The following SCAPER variants were observed in gnomAD, a reference collection of about 807,000 sequenced individuals.
SCAPER encodes the protein S phase cyclin A-associated protein in the endoplasmic reticulum.
A neutral mutation model predicts 182.2 loss-of-function variants in SCAPER; 98 were observed. The observed-to-expected ratio is 0.54, with a 90% CI of 0.46 to 0.64. The LOEUF (loss-of-function observed/expected upper bound fraction) is 0.64, where lower values mean the gene tolerates loss of function less well. Ranked by LOEUF, SCAPER falls within the 30% of genes least tolerant of loss-of-function variation. The probability of loss-of-function intolerance (pLI) is 0.00; values close to 1 mark genes in which losing one functional copy is unlikely to be tolerated. For missense variants in SCAPER, 1,432 were observed against 1,690.0 expected (o/e 0.85, Z 2.68); for synonymous variants, 605 against 564.6 (o/e 1.07, Z -1.01).
intron 20 of SCAPER, among the ~76,000 whole-genome samples, chr15:76,678,873 A>G (rs1419479195): frequency 6.6e-6 from 1 of 152,160 alleles, no homozygotes; most frequent in Non-Finnish European, 1.5e-5. Context: ...AAAACCTACT[A>G]TGTATCAAGG....
chr15:76,398,640 T>C (rs2044246338), intron 27 of SCAPER, among the ~76,000 whole-genome samples: 1 of 152,264 alleles, frequency 6.6e-6, no homozygotes, highest in Admixed American at 6.5e-5. Context: ...TATCTTTTCA[T>C]GACACAGGTT....
At chr15:76,384,499 T>C (rs2043167135) in intron 27 of SCAPER, among the ~76,000 whole-genome samples, 1 of 152,212 alleles carries the variant, frequency 6.6e-6, no homozygotes, top group African/African-American at 2.4e-5. Flanking sequence ...TCTCCTCTCC[T>C]GCACCATTAT....
At chr15:76,842,232 CA>C (rs1269617684) in intron 4 of SCAPER, among the ~76,000 whole-genome samples, 1 of 152,102 alleles carries the variant, frequency 6.6e-6, no homozygotes, top group Non-Finnish European at 1.5e-5. Flanking sequence ...CTTGAACATC[CA>C]AACATTCTGA....
intron 26 of SCAPER, among the ~76,000 whole-genome samples, 165 bp downstream of exon 26, chr15:76,433,913 G>A (rs1017575833): frequency 6.6e-6 from 1 of 152,218 alleles, no homozygotes; most frequent in Non-Finnish European, 1.5e-5. Context: ...TGGAGTGAAG[G>A]TGATAAATCT....
intron 4 of SCAPER, among the ~76,000 whole-genome samples, chr15:76,849,423 T>C (rs1355390298): frequency 1.3e-5 from 2 of 152,148 alleles, no homozygotes; most frequent in Non-Finnish European, 2.9e-5. Context: ...CCACCTCCTG[T>C]TCATCAACAG....
intron 14 of SCAPER, among the ~76,000 whole-genome samples, chr15:76,764,099 TTCAGAA>T (rs2062963218): frequency 5.3e-5 from 8 of 152,224 alleles, no homozygotes; most frequent in Non-Finnish European, 8.8e-5. Context: ...ATGGACTGGC[TTCAGAA>T]AGGATAGTCA....
intron 22 of SCAPER, among the ~76,000 whole-genome samples, chr15:76,589,711 G>A (rs1479901766): frequency 2.0e-5 from 3 of 152,120 alleles, no homozygotes; most frequent in Non-Finnish European, 4.4e-5. Context: ...GAGACTTCGC[G>A]TTTGGTTGGA....
intron 23 of SCAPER, among the ~76,000 whole-genome samples, chr15:76,513,800 T>C (rs945304330): frequency 6.6e-6 from 1 of 152,196 alleles, no homozygotes; most frequent in Non-Finnish European, 1.5e-5. Context: ...AATTATCTTC[T>C]CCGTTCAAAC....
chr15:76,444,568 C>T (rs1010223988), intron 25 of SCAPER, among the ~76,000 whole-genome samples: 1 of 152,162 alleles, frequency 6.6e-6, no homozygotes, highest in Non-Finnish European at 1.5e-5. Flanking sequence ...CAACAATTTA[C>T]CTTTTGTTTA....
At chr15:76,731,079 A>G (rs2060895740) in intron 16 of SCAPER, among the ~76,000 whole-genome samples, 2 of 152,218 alleles carry the variant, frequency 1.3e-5, no homozygotes, top group Admixed American at 6.5e-5. Context: ...CTCATAAAGC[A>G]CCCTGCAAAG....
intron 30 of SCAPER, among the ~76,000 whole-genome samples, chr15:76,353,060 A>G (rs1384210738): frequency 3.3e-5 from 5 of 152,172 alleles, no homozygotes; most frequent in Non-Finnish European, 7.3e-5. Flanking sequence ...TAAGATGAAG[A>G]GGGCTCGGGG....
intron 29 of SCAPER, among the ~76,000 whole-genome samples, chr15:76,374,440 T>C (rs1247972859): frequency 1.3e-5 from 2 of 151,638 alleles, no homozygotes; most frequent in Admixed American, 1.3e-4. Flanking sequence ...AGAGGCTTTT[T>C]TTAATCTTAG....
At chr15:76,727,722 A>T (rs1726056134) in intron 17 of SCAPER, among the ~76,000 whole-genome samples, 1 of 152,078 alleles carries the variant, frequency 6.6e-6, no homozygotes, top group Admixed American at 6.6e-5. Context: ...CTAAACTGCA[A>T]CCAAGAGTTA....
chr15:76,736,911 G>C (rs2061301787), intron 15 of SCAPER: 1 of 155,788 alleles, frequency 6.4e-6, no homozygotes, highest in Admixed American at 6.5e-5. Flanking sequence ...TTTGTCATAA[G>C]ACTGCAGCAA....
chr15:76,896,196 C>G (rs1266405915), intron 1 of SCAPER, among the ~76,000 whole-genome samples: 1 of 151,474 alleles, frequency 6.6e-6, no homozygotes, highest in African/African-American at 2.4e-5. Context: ...ATGGCAAAAC[C>G]CTGTCTCTAC....
At chr15:76,457,588 T>A (rs944453266) in intron 25 of SCAPER, among the ~76,000 whole-genome samples, 6 of 152,310 alleles carry the variant, frequency 3.9e-5, no homozygotes, top group African/African-American at 1.4e-4. Flanking sequence ...ACACACAACC[T>A]TAACTTCTCA....
intron 8 of SCAPER, among the ~76,000 whole-genome samples, chr15:76,788,755 C>G (rs1336011538): frequency 6.6e-6 from 1 of 152,162 alleles, no homozygotes; most frequent in Admixed American, 6.5e-5. Context: ...TGAAAGTTCT[C>G]AAATACACAA....
intron 17 of SCAPER, among the ~76,000 whole-genome samples, chr15:76,724,398 T>G (rs1188291157): frequency 6.6e-6 from 1 of 152,160 alleles, no homozygotes; most frequent in Non-Finnish European, 1.5e-5. Context: ...CTGACAATTA[T>G]GTGTCTTGGA....
intron 20 of SCAPER, among the ~76,000 whole-genome samples, chr15:76,691,049 C>T (rs1389240986): frequency 6.6e-6 from 1 of 151,744 alleles, no homozygotes; most frequent in Admixed American, 6.6e-5. Flanking sequence ...CTAGTCAATG[C>T]AATAAAAACA....
Sources: gnomAD v4.1 joint callset for allele counts (sites outside exome capture counted in the v4.1 genomes callset) on GRCh38, gnomAD v4.1.1 for gene constraint, MANE v1.5 for transcripts, NCBI Gene and HGNC (gene_info 2026-07-23, HGNC 2026-07-21) for gene names.